The following ASZ1 variants were observed in gnomAD, a reference collection of about 807,000 sequenced individuals.
ASZ1 encodes the protein ankyrin repeat, SAM and basic leucine zipper domain containing 1.
Under a neutral mutation model 61.8 loss-of-function variants are expected in ASZ1, and 67 were observed. That is an observed-to-expected ratio of 1.08 (90% confidence interval 0.89 to 1.33). ASZ1 has a LOEUF of 1.33. Ranked by LOEUF, ASZ1 falls within the 40% of genes most tolerant of loss-of-function variation. ASZ1 has a pLI of 0.00. For missense variants in ASZ1, 577 were observed against 554.5 expected, an observed-to-expected ratio of 1.04 and a Z score of -0.41; for synonymous variants, 193 against 192.7, an observed-to-expected ratio of 1.00 and a Z score of -0.01.
At chr7:117,403,544 C>A (rs749492897) in intron 4 of ASZ1, among the ~76,000 whole-genome samples, 12 of 152,154 alleles carry the variant, frequency 7.9e-5, no homozygotes, top group Non-Finnish European at 1.3e-4. Flanking sequence ...TCAAGCCTGA[C>A]AAAATACTCG....
chr7:117,397,287 A>G (rs966332667), intron 4 of ASZ1, among the ~76,000 whole-genome samples: 2 of 152,178 alleles, frequency 1.3e-5, no homozygotes, highest in African/African-American at 4.8e-5. Flanking sequence ...TAAAAGATCC[A>G]ATATACAAAA....
intron 10 of ASZ1, among the ~76,000 whole-genome samples, chr7:117,374,532 G>T (rs1373151819): frequency 6.6e-6 from 1 of 151,970 alleles, no homozygotes; most frequent in Non-Finnish European, 1.5e-5. Context: ...CTACTAACAT[G>T]TAAGGTAGTT....
At chr7:117,392,097 A>G (rs192765828) in intron 4 of ASZ1, among the ~76,000 whole-genome samples, 4 of 152,202 alleles carry the variant, frequency 2.6e-5, no homozygotes, top group African/African-American at 7.2e-5. Context: ...CCGGCCTCAT[A>G]TGACTTTTAG....
rs370627016 is a variant in ASZ1 at position 117,427,481 on chromosome 7, G to A, written c.-21C>T. The stretch of plus-strand genomic sequence containing the variant: ...GCCATGCCAGCCAAGGAAGCTCCCT[G>A]TCGGCACCGCGCGCCCTTCAGCTCT... On this transcript the variant is annotated 5_prime_UTR_variant, in exon 1 of 13. Transcript: ENST00000284629. 6.2e-6 allele frequency: 10 copies of A among 1,612,542 alleles called. No individual in the cohort carries two copies. The highest frequency in any genetic ancestry group is 1.7e-5 in the Admixed American group (1 of 59,958).
intron 4 of ASZ1, among the ~76,000 whole-genome samples, chr7:117,397,478 T>C (rs1288457466): frequency 6.6e-6 from 1 of 152,198 alleles, no homozygotes; most frequent in Non-Finnish European, 1.5e-5. Context: ...ACTGTAAAGC[T>C]GAGAACATAA....
At position 117,390,473 on chromosome 7, in the gene ASZ1, T is replaced by A. The variant is rs1282896602; in HGVS notation, c.441-4664A>T. Among the ~76,000 whole-genome samples the A allele has an allele frequency of 2.0e-5, 3 of 152,256 alleles. No individual in the cohort carries two copies. The East Asian group carries it at 5.8e-4, about 29-fold the overall frequency. ...CATGAGCCACCATGCCCAGCTGCTA[T>A]TGTGAATGGTGCTGTGATAAACATA... is the stretch of plus-strand genomic sequence containing the variant. On this transcript the variant is annotated intron_variant, in intron 4 of 12. Transcript: ENST00000284629.
intron 4 of ASZ1, among the ~76,000 whole-genome samples, chr7:117,397,299 A>G (rs1381507691): frequency 6.6e-6 from 1 of 152,170 alleles, no homozygotes; most frequent in Non-Finnish European, 1.5e-5. Flanking sequence ...TATACAAAAG[A>G]TTCTTGTTAA....
intron 4 of ASZ1, among the ~76,000 whole-genome samples, chr7:117,419,222 C>G (rs1294767284): frequency 6.6e-6 from 1 of 152,142 alleles, no homozygotes; most frequent in Non-Finnish European, 1.5e-5. Context: ...AAAAATGTCT[C>G]TAGACATTGC....
At chr7:117,371,286 G>C (rs1796046908) in intron 10 of ASZ1, among the ~76,000 whole-genome samples, 1 of 152,036 alleles carries the variant, frequency 6.6e-6, no homozygotes, top group Admixed American at 6.6e-5. Context: ...ATACATTACT[G>C]GGATGTATAT....
chr7:117,422,929 A>C (rs1797125989), intron 2 of ASZ1, among the ~76,000 whole-genome samples: 1 of 152,214 alleles, frequency 6.6e-6, no homozygotes, highest in African/African-American at 2.4e-5. Context: ...TATTATAAAG[A>C]CAACATAGAC....
At chr7:117,394,248 G>C (rs1159862353) in intron 4 of ASZ1, among the ~76,000 whole-genome samples, 1 of 152,028 alleles carries the variant, frequency 6.6e-6, no homozygotes, top group Non-Finnish European at 1.5e-5. Context: ...AGGACTACAG[G>C]TATGCACCAC....
chr7:117,368,117 G>A (rs985009684), intron 11 of ASZ1: 1 of 470,658 alleles, frequency 2.1e-6, no homozygotes, highest in Non-Finnish European at 2.8e-6. Flanking sequence ...TGTAGAGACA[G>A]GGTCTCACCA....
chr7:117,373,916 G>T (rs1236418202), intron 10 of ASZ1, among the ~76,000 whole-genome samples: 1 of 152,002 alleles, frequency 6.6e-6, no homozygotes, highest in Non-Finnish European at 1.5e-5. Flanking sequence ...ATGAAAAAAA[G>T]CAAGAAAATG....
chr7:117,383,450 A>G (rs1796292847), intron 6 of ASZ1, among the ~76,000 whole-genome samples: 1 of 152,060 alleles, frequency 6.6e-6, no homozygotes, highest in Non-Finnish European at 1.5e-5. Flanking sequence ...AAAGGAAGAT[A>G]GTAATTAATA....
intron 4 of ASZ1, among the ~76,000 whole-genome samples, chr7:117,397,453 A>G (rs984222650): frequency 6.6e-6 from 1 of 152,226 alleles, no homozygotes; most frequent in African/African-American, 2.4e-5. Context: ...ATGAGGGATC[A>G]TTACTTGCAA....
At chr7:117,399,287 A>C (rs1430254220) in intron 4 of ASZ1, among the ~76,000 whole-genome samples, 4 of 152,148 alleles carry the variant, frequency 2.6e-5, no homozygotes, top group Admixed American at 2.0e-4. Flanking sequence ...CAAAAACCCC[A>C]AAAACCAAAC....
At chr7:117,413,692 C>T (rs1796939598) in intron 4 of ASZ1, among the ~76,000 whole-genome samples, 1 of 151,788 alleles carries the variant, frequency 6.6e-6, no homozygotes, top group South Asian at 2.1e-4. Flanking sequence ...AATAAAAGAA[C>T]AAAGTGGTTC....
At chr7:117,425,922 C>T (rs1369381314) in intron 2 of ASZ1, among the ~76,000 whole-genome samples, 1 of 152,124 alleles carries the variant, frequency 6.6e-6, no homozygotes, top group African/African-American at 2.4e-5. Flanking sequence ...TCCCGGCCCC[C>T]AGATGGAGGT....
At chr7:117,385,884 C>T (rs1283263786) in intron 4 of ASZ1, 75 bp from the exon 5 acceptor site, 4 of 1,190,252 alleles carry the variant, frequency 3.4e-6, no homozygotes, top group Non-Finnish European at 2.5e-6. Flanking sequence ...TTTAACCATA[C>T]ACAATACCAC....
Sources: gnomAD v4.1 joint callset for allele counts (sites outside exome capture counted in the v4.1 genomes callset) on GRCh38, gnomAD v4.1.1 for gene constraint, MANE v1.5 for transcripts, NCBI Gene and HGNC (gene_info 2026-07-23, HGNC 2026-07-21) for gene names.